The following BMP2K variants were observed in gnomAD, a reference collection of about 807,000 sequenced individuals.
BMP2K encodes BMP-2-inducible protein kinase.
A neutral mutation model predicts 116.0 loss-of-function variants in BMP2K; 74 were observed. The observed-to-expected ratio is 0.64, with a 90% confidence interval of 0.53 to 0.77. The LOEUF is 0.77. Among genes scored for constraint, BMP2K ranks in the 30% least tolerant of loss-of-function variants. The probability of loss-of-function intolerance (pLI) is 0.00; values close to 1 mark genes in which losing one functional copy is unlikely to be tolerated. For missense variants in BMP2K, 1,365 were observed against 1,403.6 expected, an observed-to-expected ratio of 0.97 and a Z score of 0.44; for synonymous variants, 486 against 502.5, an observed-to-expected ratio of 0.97 and a Z score of 0.44.
intron 1 of BMP2K, among the ~76,000 whole-genome samples, chr4:78,804,654 G>A (rs1050510389): frequency 6.6e-6 from 1 of 150,406 alleles, no homozygotes; most frequent in African/African-American, 2.4e-5. Flanking sequence ...TTATGGTTTT[G>A]ATTCATCAGT....
At chr4:78,793,427 TA>T (rs577762524) in intron 1 of BMP2K, among the ~76,000 whole-genome samples, 7 of 146,486 alleles carry the variant, frequency 4.8e-5, no homozygotes, top group Non-Finnish European at 7.5e-5. Context: ...AAAAAAAAAT[TA>T]AAAAAAAAGT....
Position 78,872,650 on chromosome 4 carries a change from A to T in BMP2K, c.1645A>T (p.Met549Leu). ...QYQQAFFQQQMLAQHQPSQQQ... is the reference protein window; with the variant it reads ...QYQQAFFQQQLLAQHQPSQQQ... ...TCAGCAGGCTTTCTTTCAACAGCAG[A>T]TGCTAGCTCAACATCAGCCGTCTCA... is the stretch of plus-strand genomic sequence containing the variant. Residue 549 changes from methionine to leucine, a missense_variant, in exon 13 of 16, where the codon ATG (methionine) becomes TTG (leucine). Physicochemically the swap from Met to Leu is conservative, Grantham distance 15. Around this residue, in one of 3 missense-constraint regions of BMP2K, gnomAD observed 762 missense variants for 756.7 expected, o/e 1.01. Transcript: ENST00000502613. 6.2e-7 allele frequency: 1 copy of T among 1,614,072 alleles called. No homozygotes were observed. Among genetic ancestry groups the T allele is most frequent in the Non-Finnish European group, 8.5e-7 (1 of 1,179,970 alleles).
At chr4:78,910,100 CAA>C (rs1251842396) in intron 15 of BMP2K, among the ~76,000 whole-genome samples, 2 of 152,016 alleles carry the variant, frequency 1.3e-5, no homozygotes, top group Admixed American at 6.6e-5. Context: ...TAAGTCAATT[CAA>C]AAGATAGTGG....
chr4:78,797,151 T>A (rs1578474752), intron 1 of BMP2K, among the ~76,000 whole-genome samples: 1 of 151,402 alleles, frequency 6.6e-6, no homozygotes, highest in Non-Finnish European at 1.5e-5. Context: ...TAAACTCTAA[T>A]AAGTATATGA....
chr4:78,802,689 C>T (rs7660310), intron 1 of BMP2K, among the ~76,000 whole-genome samples: 14,775 of 152,120 alleles, frequency 0.097, 2,442 homozygotes, highest in African/African-American at 0.34. Flanking sequence ...TTTACTGGTT[C>T]CTTCCCCAAT....
intron 15 of BMP2K, among the ~76,000 whole-genome samples, chr4:78,901,008 T>C (rs898153790): frequency 6.6e-6 from 1 of 152,166 alleles, no homozygotes; most frequent in South Asian, 2.1e-4. Context: ...CTTAGTTCTA[T>C]CACAGATTAA....
chr4:78,810,844 G>T (rs766326877), intron 1 of BMP2K, among the ~76,000 whole-genome samples: 2 of 152,142 alleles, frequency 1.3e-5, no homozygotes, highest in Non-Finnish European at 1.5e-5. Flanking sequence ...CAAGGCTTTA[G>T]CTAATTTCTA....
chr4:78,867,365 T>A (rs1732106683), intron 10 of BMP2K, among the ~76,000 whole-genome samples: 1 of 152,132 alleles, frequency 6.6e-6, no homozygotes, highest in African/African-American at 2.4e-5. Context: ...CTTATTTTGA[T>A]CCATCAAAGT....
intron 14 of BMP2K, among the ~76,000 whole-genome samples, chr4:78,885,383 C>T (rs1383115469): frequency 6.6e-6 from 1 of 152,158 alleles, no homozygotes; most frequent in South Asian, 2.1e-4. Context: ...GTCAGTATCA[C>T]TGGGGGGCTA....
Position 78,911,164 on chromosome 4 carries a change from C to G in BMP2K, c.2617C>G (p.Gln873Glu). The change falls in exon 16 of 16, where the codon CAA (glutamine) becomes GAA (glutamate). Residue 873 changes from glutamine (Q) to glutamate (E), a missense_variant. By Grantham distance (29) the Gln-to-Glu change is conservative (BLOSUM62 2). Coordinates refer to ENST00000502613, the MANE Select transcript of BMP2K (RefSeq NM_198892.2). ...FFAVRAQQPQ[Q>E]EKNEKNLPQH... Reference sequence around the variant, plus strand: ...TGCAGTGCGTGCTCAACAGCCCCAGCAAGAAAAGAATGAAAAGAACCTCCC... The same window carrying G: ...TGCAGTGCGTGCTCAACAGCCCCAGGAAGAAAAGAATGAAAAGAACCTCCC... 1 of 1,613,730 alleles carries G rather than the reference C, an allele frequency of 6.2e-7. No homozygotes were observed. Among genetic ancestry groups the G allele is most frequent in the Non-Finnish European group, 8.5e-7 (1 of 1,179,792 alleles).
chr4:78,893,492 C>A (rs1214405466), intron 15 of BMP2K, among the ~76,000 whole-genome samples: 1 of 152,192 alleles, frequency 6.6e-6, no homozygotes, highest in Admixed American at 6.5e-5. Context: ...TTCAGGTTTT[C>A]AGTTTACTTT....
intron 11 of BMP2K, 50 bp from the exon 12 acceptor site, chr4:78,871,800 T>C (rs1332902954): frequency 7.1e-6 from 9 of 1,272,150 alleles, no homozygotes; most frequent in Non-Finnish European, 1.0e-5. Context: ...AAAAAAGGGC[T>C]CTGACACAAA....
chr4:78,781,962 A>C (rs570588363), intron 1 of BMP2K, among the ~76,000 whole-genome samples: 1 of 152,322 alleles, frequency 6.6e-6, no homozygotes, highest in Admixed American at 6.5e-5. Context: ...GGAGGGAGTG[A>C]GCAGTTGTGT....
chr4:78,795,860 A>G (rs1334284146), intron 1 of BMP2K, among the ~76,000 whole-genome samples: 1 of 152,124 alleles, frequency 6.6e-6, no homozygotes, highest in African/African-American at 2.4e-5. Flanking sequence ...CACACCAGTT[A>G]GAATGGCAAT....
In BMP2K at chr4:78,861,425, ACTGCTAGTGAAGCAG is replaced by A; in HGVS notation, c.1032_1046del (p.Ser344_Ala348del). 1 of 1,609,202 alleles carries A rather than the reference ACTGCTAGTGAAGCAG, an allele frequency of 6.2e-7. No individual in the cohort carries two copies. The highest frequency in any genetic ancestry group is 8.5e-7 in the Non-Finnish European group (1 of 1,176,922). ...TCCTTCAGCTCTTCCTGAACCGATG[ACTGCTAGTGAAGCAG>A]CTGCTAGGAAAAGCCAAATAAAAGC... On this transcript the variant is annotated inframe_deletion, in exon 9 of 16. Transcript: ENST00000502613.
Position 78,902,023 on chromosome 4 carries a change from TTGTC to T in BMP2K, c.2063-8586_2063-8583del, listed in dbSNP as rs376267895. 7.7e-4 allele frequency among the ~76,000 whole-genome samples: 118 copies of T among 152,284 alleles called. 1 individual carries two copies. In the East Asian group the frequency reaches 0.021, roughly 27 times the overall value. ...TTTGTTGGAACATAACATTTACAGA[TTGTC>T]AGTCCAAATGCTGGGCCATTTTATA... On this transcript the variant is annotated intron_variant, in intron 15 of 15. Coordinates refer to ENST00000502613, the MANE Select transcript of BMP2K (RefSeq NM_198892.2).
At chr4:78,872,466 A>T in intron 12 of BMP2K, 148 bp from the exon 13 acceptor site, 1 of 643,936 alleles carries the variant, frequency 1.6e-6, no homozygotes, top group Non-Finnish European at 2.5e-6. Context: ...GTAGTTTTCT[A>T]GTAATAGAGC....
At chr4:78,808,318 T>C (rs978883780) in intron 1 of BMP2K, among the ~76,000 whole-genome samples, 1 of 149,208 alleles carries the variant, frequency 6.7e-6, no homozygotes, top group Non-Finnish European at 1.5e-5. Flanking sequence ...TAGACTGGAG[T>C]GCAGTGATGT....
chr4:78,810,481 T>C (rs943048321), intron 1 of BMP2K, among the ~76,000 whole-genome samples: 1 of 152,232 alleles, frequency 6.6e-6, no homozygotes, highest in Non-Finnish European at 1.5e-5. Flanking sequence ...TACAATATTA[T>C]ACAATTGCTG....
Sources: allele counts gnomAD v4.1 joint callset (sites outside exome capture counted in the v4.1 genomes callset), GRCh38; gene constraint gnomAD v4.1.1; regional missense constraint gnomAD v4.1.1; transcripts MANE v1.5; gene names NCBI Gene and HGNC (gene_info 2026-07-23, HGNC 2026-07-21).